ADAMTS3: variants seen among roughly 807,000 people sequenced by gnomAD.
ADAMTS3 encodes the protein ADAM metallopeptidase with thrombospondin type 1 motif 3.
A neutral mutation model predicts 129.0 loss-of-function variants in ADAMTS3; 73 were observed. The observed-to-expected ratio is 0.57, with a 90% CI of 0.47 to 0.69. The LOEUF (loss-of-function observed/expected upper bound fraction) is 0.69, where lower values mean the gene tolerates loss of function less well. ADAMTS3 is among the 30% of genes least tolerant of loss of function. The pLI is 0.00. For missense variants in ADAMTS3, 1,457 were observed against 1,514.5 expected (o/e 0.96, Z 0.63); for synonymous variants, 477 against 510.8 (o/e 0.93, Z 0.89).
chr4:72,339,190 A>G (rs1720064036), intron 5 of ADAMTS3, among the ~76,000 whole-genome samples: 1 of 152,178 alleles, frequency 6.6e-6, no homozygotes, highest in African/African-American at 2.4e-5. Flanking sequence ...GATTATCCCC[A>G]GAACAAAATA....
At chr4:72,411,761 T>C (rs1722189908) in intron 4 of ADAMTS3, among the ~76,000 whole-genome samples, 1 of 152,098 alleles carries the variant, frequency 6.6e-6, no homozygotes, top group African/African-American at 2.4e-5. Context: ...TGTTTCTCAT[T>C]TTATATACCT....
chr4:72,393,678 T>C (rs894173263), intron 4 of ADAMTS3, among the ~76,000 whole-genome samples: 4 of 152,256 alleles, frequency 2.6e-5, no homozygotes, highest in Admixed American at 2.6e-4. Context: ...TTAAGTAAAG[T>C]CACAACCAGG....
intron 4 of ADAMTS3, among the ~76,000 whole-genome samples, chr4:72,403,722 T>TA (rs138037701): frequency 6.6e-6 from 1 of 152,004 alleles, no homozygotes; most frequent in South Asian, 2.1e-4. Context: ...AACTTAGAGA[T>TA]AAAAAAATTT....
At position 72,318,553 on chromosome 4, in the gene ADAMTS3, T is replaced by A. The variant is rs1223439206; in HGVS notation, c.1485+19A>T. ...TAGATTTCGAGCTGCAAAATCTACA[T>A]CAACTGTGAGCAACATACCGCGGTG... On this transcript the variant is annotated intron_variant, in intron 10 of 21. Transcript: ENST00000286657. 6.2e-7 allele frequency: 1 copy of A among 1,610,736 alleles called. No individual in the cohort carries two copies. The highest frequency in any genetic ancestry group is 8.5e-7 in the Non-Finnish European group (1 of 1,178,240).
At chr4:72,430,060 A>G (rs1015686513) in intron 3 of ADAMTS3, among the ~76,000 whole-genome samples, 5 of 152,062 alleles carry the variant, frequency 3.3e-5, no homozygotes, top group Non-Finnish European at 7.4e-5. Flanking sequence ...TGTGTTGAAA[A>G]AAGAAAATCC....
In ADAMTS3 at chr4:72,536,322, G is replaced by A. The variant is rs554578959; in HGVS notation, c.504+12156C>T. On this transcript the variant is annotated intron_variant, in intron 3 of 21. Coordinates refer to ENST00000286657, the MANE Select transcript of ADAMTS3 (RefSeq NM_014243.3). ...TGATGTTAAAGGAGCCATACATGAC[G>A]TAGAAAAGGTTATCTTAAAATTACA... 5.3e-5 allele frequency among the ~76,000 whole-genome samples: 8 copies of A among 152,240 alleles called. No individual in the cohort carries two copies. In the South Asian group the frequency reaches 6.2e-4, roughly 12 times the overall value.
At chr4:72,477,147 C>A (rs1243166735) in intron 3 of ADAMTS3, among the ~76,000 whole-genome samples, 1 of 151,694 alleles carries the variant, frequency 6.6e-6, no homozygotes, top group African/African-American at 2.4e-5. Context: ...ACTCTCAGCA[C>A]TTTTACTCAA....
intron 21 of ADAMTS3, among the ~76,000 whole-genome samples, chr4:72,284,233 T>G (rs78514304): frequency 0.023 from 3,451 of 152,088 alleles, 84 homozygotes; most frequent in Non-Finnish European, 0.03. Flanking sequence ...TTCTCCAGTT[T>G]GAGATCGAGA....
At chr4:72,308,827 T>C (rs1265254331) in intron 15 of ADAMTS3, among the ~76,000 whole-genome samples, 1 of 152,014 alleles carries the variant, frequency 6.6e-6, no homozygotes, top group Non-Finnish European at 1.5e-5. Flanking sequence ...CATAAACATT[T>C]ATAGAGATGA....
intron 3 of ADAMTS3, among the ~76,000 whole-genome samples, chr4:72,526,015 G>T (rs1038272572): frequency 2.6e-5 from 4 of 152,174 alleles, no homozygotes; most frequent in Admixed American, 6.5e-5. Flanking sequence ...TAAAAGTCTG[G>T]GATTAGCCAG....
At chr4:72,482,549 GC>G in intron 3 of ADAMTS3, among the ~76,000 whole-genome samples, 1 of 152,042 alleles carries the variant, frequency 6.6e-6, no homozygotes, top group Non-Finnish European at 1.5e-5. Flanking sequence ...CTATAAAAGG[GC>G]AATATGAGAA....
chr4:72,292,659 C>A (rs1443537715), intron 19 of ADAMTS3, among the ~76,000 whole-genome samples: 1 of 152,208 alleles, frequency 6.6e-6, no homozygotes, highest in Admixed American at 6.5e-5. Flanking sequence ...AGGGTGGTCA[C>A]CATTGACTCC....
chr4:72,531,403 C>T (rs1721037296), intron 3 of ADAMTS3, among the ~76,000 whole-genome samples: 1 of 152,132 alleles, frequency 6.6e-6, no homozygotes, highest in Non-Finnish European at 1.5e-5. Context: ...GCAGAATATA[C>T]ATATGATTCT....
At chr4:72,477,398 C>A (rs922586993) in intron 3 of ADAMTS3, among the ~76,000 whole-genome samples, 2 of 152,004 alleles carry the variant, frequency 1.3e-5, no homozygotes, top group African/African-American at 4.8e-5. Context: ...CACTCAAAAG[C>A]GCTCAACTAC....
At chr4:72,563,066 T>A (rs2679036) in intron 2 of ADAMTS3, among the ~76,000 whole-genome samples, 2 of 152,140 alleles carry the variant, frequency 1.3e-5, no homozygotes, top group South Asian at 4.1e-4. Flanking sequence ...AGATCATCAT[T>A]CTGGAAGCAG....
intron 4 of ADAMTS3, among the ~76,000 whole-genome samples, chr4:72,402,566 C>A (rs115703557): frequency 2.7e-3 from 408 of 152,048 alleles, no homozygotes; most frequent in Admixed American, 3.7e-3. Flanking sequence ...CATGTTAGCT[C>A]TTTTTTCCTT....
chr4:72,374,081 TG>T (rs1170622557), intron 4 of ADAMTS3, among the ~76,000 whole-genome samples: 5 of 152,052 alleles, frequency 3.3e-5, no homozygotes, highest in Admixed American at 1.3e-4. Context: ...ATGAATAATA[TG>T]CTAGAATAAG....
chr4:72,334,518 G>A (rs2109826085), intron 5 of ADAMTS3, among the ~76,000 whole-genome samples: 1 of 152,232 alleles, frequency 6.6e-6, no homozygotes, highest in South Asian at 2.1e-4. Context: ...TTATGGACCA[G>A]GTCAGGAAAT....
intron 5 of ADAMTS3, among the ~76,000 whole-genome samples, chr4:72,328,734 A>G (rs980854838): frequency 3.9e-5 from 6 of 152,198 alleles, no homozygotes; most frequent in African/African-American, 1.2e-4. Flanking sequence ...TTATTCATAT[A>G]GAAGCAAATA....
Sources: gnomAD v4.1 joint callset for allele counts (sites outside exome capture counted in the v4.1 genomes callset) on GRCh38, gnomAD v4.1.1 for gene constraint, MANE v1.5 for transcripts, NCBI Gene and HGNC (gene_info 2026-07-23, HGNC 2026-07-21) for gene names.